Variants in TNRC18 observed in about 807,000 individuals in gnomAD.
TNRC18 encodes the protein trinucleotide repeat containing 18, also known as trinucleotide repeat-containing gene 18 protein.
In TNRC18, 69 loss-of-function variants were observed where a neutral mutation model predicts 226.7. That is an observed-to-expected ratio of 0.30 (90% CI 0.25 to 0.37). The LOEUF (loss-of-function observed/expected upper bound fraction) is 0.37, where lower values mean the gene tolerates loss of function less well. Among genes scored for constraint, TNRC18 ranks in the 10% least tolerant of loss-of-function variants. The probability of loss-of-function intolerance (pLI) is 1.00; values close to 1 mark genes in which losing one functional copy is unlikely to be tolerated. For missense variants in TNRC18, 4,754 were observed against 4,256.6 expected (o/e 1.12, Z -3.25); for synonymous variants, 2,449 against 1,927.6 (o/e 1.27, Z -7.09).
chr7:5,356,333 A>G (rs1395785949), intron 16 of TNRC18, among the ~76,000 whole-genome samples: 1 of 152,064 alleles, frequency 6.6e-6, no homozygotes, highest in Non-Finnish European at 1.5e-5. Context: ...CCCCAGTAAC[A>G]ACATGGGGGT....
At chr7:5,322,463 T>C (rs1328303657) in intron 21 of TNRC18, among the ~76,000 whole-genome samples, 1 of 152,100 alleles carries the variant, frequency 6.6e-6, no homozygotes. Context: ...CATGCCTGGC[T>C]AATTATTTTT....
intron 18 of TNRC18, among the ~76,000 whole-genome samples, chr7:5,341,695 C>A (rs548340724): frequency 7.2e-6 from 1 of 139,706 alleles, no homozygotes; most frequent in African/African-American, 2.7e-5. Flanking sequence ...ACCTGGGAGG[C>A]GGAGGTTGCA....
Position 5,352,051 on chromosome 7 carries a change from C to T in TNRC18, c.5238G>A (p.Trp1746Ter). Residue 1746 changes from tryptophan to a stop codon, truncating the protein, a stop_gained, in exon 17 of 30, where the codon TGG becomes TGA. Coordinates refer to ENST00000430969, the MANE Select transcript of TNRC18 (RefSeq NM_001080495.3). LOFTEE classifies it high-confidence loss of function. ...EEDEEFLKDEWPAQGPSSSKL... is the reference protein window; with the variant it reads ...EEDEEFLKDE The stretch of plus-strand genomic sequence containing the variant: ...TGGAGCTGGAGGGGCCTTGGGCGGG[C>T]CACTCGTCCTTCAGGAATTCTTCGT... The T allele has an allele frequency of 6.2e-7, 1 of 1,611,834 alleles. No homozygotes were observed.
Position 5,377,248 on chromosome 7 carries a change from G to T in TNRC18, c.2461+123C>A. 1 of 1,171,336 alleles carries T rather than the reference G, an allele frequency of 8.5e-7. No homozygotes were observed. Among genetic ancestry groups the T allele is most frequent in the Non-Finnish European group, 1.2e-6 (1 of 848,226 alleles). The allele number at this position is 1,171,336 out of a possible 1,614,324, so 72.6% of individuals were successfully genotyped here. On this transcript the variant is annotated intron_variant, in intron 7 of 29. Coordinates refer to ENST00000430969, the MANE Select transcript of TNRC18 (RefSeq NM_001080495.3). This position sits in a 1 kb window ranked among gnomAD's most constrained non-coding sequence, Gnocchi z 5.8. The stretch of plus-strand genomic sequence containing the variant: ...TATCATTCCTTCTTCCGACGAATGC[G>T]GGAGGCAGGCCCAGGCCCCCCAGGA...
chr7:5,337,175 G>C (rs1295804760), intron 18 of TNRC18, among the ~76,000 whole-genome samples: 1 of 151,974 alleles, frequency 6.6e-6, no homozygotes, highest in African/African-American at 2.4e-5. Flanking sequence ...CTGATTAATG[G>C]CGAACTTCTC....
intron 18 of TNRC18, 78 bp from the exon 19 acceptor site, chr7:5,333,127 T>A: frequency 6.7e-7 from 1 of 1,486,768 alleles, no homozygotes; most frequent in Non-Finnish European, 9.1e-7. Context: ...TGGACACCAT[T>A]CCTCCCCGGC....
At position 5,388,573 on chromosome 7, in the gene TNRC18, C is replaced by T; in HGVS notation, c.1251G>A (p.Pro417=). The change falls in exon 5 of 30, where the codon CCG becomes CCA. Residue 417 remains proline, a synonymous_variant. Transcript: ENST00000430969. The part of the protein sequence containing the change: ...PGVLQAPPGS[P]RPLDRPEGLR... ...GGCCCTCGGGCCGGTCCAGAGGCCG[C>T]GGGGAGCCGGGGGGCGCCTGCAGGA... 2 of 1,301,578 alleles carry T rather than the reference C, an allele frequency of 1.5e-6. No homozygotes were observed. Among genetic ancestry groups the T allele is most frequent in the Admixed American group, 4.3e-5 (1 of 23,168 alleles). The allele number at this position is 1,301,578 out of a possible 1,614,324, so 80.6% of individuals were successfully genotyped here.
chr7:5,344,694 G>T (rs1477754985), intron 18 of TNRC18, among the ~76,000 whole-genome samples: 2 of 152,148 alleles, frequency 1.3e-5, no homozygotes, highest in East Asian at 1.9e-4. Flanking sequence ...ATGCCGGGGG[G>T]GTCAGAAGGA....
intron 2 of TNRC18, among the ~76,000 whole-genome samples, chr7:5,408,821 C>T (rs1476317223): frequency 6.6e-6 from 1 of 152,070 alleles, no homozygotes; most frequent in African/African-American, 2.4e-5. Flanking sequence ...CCAGGGATCA[C>T]GGAAAAGCTG....
chr7:5,389,220 G>T lies in TNRC18; in HGVS notation c.604C>A (p.Arg202=). Residue 202 remains arginine, a synonymous_variant, in exon 5 of 30, where the codon CGG becomes AGG. Coordinates refer to ENST00000430969, the MANE Select transcript of TNRC18 (RefSeq NM_001080495.3). ...GCCCGCTCCTTGGCTGGACCGTCCC[G>T]CGACGACGAGCCTTTGGCCGGGGCG... is the stretch of plus-strand genomic sequence containing the variant. ...SGAPAKGSSS[R]DGPAKERAGR... 2.3e-6 allele frequency: 3 copies of T among 1,333,040 alleles called. No individual in the cohort carries two copies. The highest frequency in any genetic ancestry group is 1.8e-5 in the South Asian group (1 of 55,820). 82.6% of individuals were successfully genotyped at this position (1,333,040 alleles called of 1,614,324 possible). A position where few individuals can be genotyped will look rare whatever the true frequency, so the allele number is the denominator to read the frequency against.
rs986113197 is a variant in TNRC18 at position 5,307,992 on chromosome 7, G to A, written c.*114C>T. 70 of 978,024 alleles carry A rather than the reference G, an allele frequency of 7.2e-5. 1 individual carries two copies. The Admixed American group carries it at 7.4e-4, about 10-fold the overall frequency. The allele number at this position is 978,024 out of a possible 1,614,324, so 60.6% of individuals were successfully genotyped here. A position where few individuals can be genotyped will look rare whatever the true frequency, so the allele number is the denominator to read the frequency against. On this transcript the variant is annotated 3_prime_UTR_variant, in exon 30 of 30. Transcript: ENST00000430969. ...CGTGCACACCTGGCCCCATGCACAC[G>A]CCTGCAGGAGCGCTCGCATGCACAC...
chr7:5,348,705 A>T (rs1348401508), intron 17 of TNRC18, among the ~76,000 whole-genome samples: 1 of 152,008 alleles, frequency 6.6e-6, no homozygotes, highest in East Asian at 1.9e-4. Context: ...AGGTTTGTTA[A>T]GAGGGTGAGA....
chr7:5,404,267 A>T (rs909947637), intron 2 of TNRC18, among the ~76,000 whole-genome samples: 6 of 152,126 alleles, frequency 3.9e-5, no homozygotes, highest in African/African-American at 1.4e-4. Flanking sequence ...GCTACTCAGG[A>T]GGCTGAGGCC....
intron 18 of TNRC18, among the ~76,000 whole-genome samples, chr7:5,343,352 T>G (rs1337964501): frequency 2.0e-5 from 3 of 152,020 alleles, no homozygotes; most frequent in Non-Finnish European, 4.4e-5. Context: ...AGACCGTATC[T>G]CAAAAAAGAA....
chr7:5,358,483 TC>T (rs1209192557), intron 15 of TNRC18, among the ~76,000 whole-genome samples: 2 of 152,110 alleles, frequency 1.3e-5, no homozygotes, highest in African/African-American at 4.8e-5. Context: ...AGACCCCGTC[TC>T]CCTCCATGAG....
chr7:5,423,234 T>A (rs1782681177), intron 1 of TNRC18: 1 of 151,978 alleles, frequency 6.6e-6, no homozygotes, highest in African/African-American at 2.4e-5. Context: ...CTCGCGTGGG[T>A]GCCCGGGGCC....
rs541044688 is a variant in TNRC18, at chr7:5,312,347, G to A, written c.8388+156C>T. On this transcript the variant is annotated intron_variant, in intron 27 of 29. Coordinates refer to ENST00000430969, the MANE Select transcript of TNRC18 (RefSeq NM_001080495.3). This position sits in a 1 kb window ranked among gnomAD's most constrained non-coding sequence, Gnocchi z 6.3. ...ACCCAGGTGCCTGAGGACACTCTGA[G>A]ACTCAGTGTACCCATCCATAAAGTG... Among the ~76,000 whole-genome samples the A allele has an allele frequency of 6.6e-5, 10 of 152,338 alleles. No individual in the cohort carries two copies. In the East Asian group the frequency reaches 1.9e-3, roughly 29 times the overall value.
chr7:5,333,125 AT>A, intron 18 of TNRC18, 76 bp from the exon 19 acceptor site: 1 of 1,490,206 alleles, frequency 6.7e-7, no homozygotes, highest in Non-Finnish European at 9.0e-7. Context: ...CATGGACACC[AT>A]TCCTCCCCGG....
intron 5 of TNRC18, among the ~76,000 whole-genome samples, chr7:5,386,949 C>A (rs1158428397): frequency 6.6e-6 from 1 of 152,108 alleles, no homozygotes; most frequent in Non-Finnish European, 1.5e-5. Flanking sequence ...TGGCACATGT[C>A]TGTAATCCCA....
Sources: allele counts gnomAD v4.1 joint callset (sites outside exome capture counted in the v4.1 genomes callset), GRCh38; gene constraint gnomAD v4.1.1; non-coding constraint Gnocchi (gnomAD v3.1); transcripts MANE v1.5; gene names NCBI Gene and HGNC (gene_info 2026-07-23, HGNC 2026-07-21).